SHROOM2: variants seen among roughly 807,000 people sequenced by gnomAD.
The protein encoded by SHROOM2 is shroom family member 2, also known as protein Shroom2.
Under a neutral mutation model 75.9 loss-of-function variants are expected in SHROOM2, and 33 were observed. That is an observed-to-expected ratio of 0.43 (90% CI 0.33 to 0.58). SHROOM2 has a LOEUF of 0.58. SHROOM2 is among the 20% of genes least tolerant of loss of function. The pLI is 0.04. For synonymous variants in SHROOM2, 655 were observed against 663.6 expected (o/e 0.99, Z 0.20); for missense variants, 1,434 against 1,461.2 (o/e 0.98, Z 0.30).
chrX:9,905,879 C>T (rs973472142), intron 5 of SHROOM2, among the ~76,000 whole-genome samples: 2 of 111,469 alleles, frequency 1.8e-5, no homozygotes, highest in South Asian at 3.8e-4. Flanking sequence ...ATCAGGGTAC[C>T]GTGCCAGCAG....
chrX:9,885,123 T>C, intron 2 of SHROOM2, among the ~76,000 whole-genome samples: 1 of 111,506 alleles, frequency 9.0e-6, no homozygotes, highest in Non-Finnish European at 1.9e-5. Flanking sequence ...CCAGGCAGAC[T>C]GGGGAAAGAA....
chrX:9,835,450 C>T (rs2083938722), intron 1 of SHROOM2, among the ~76,000 whole-genome samples: 1 of 112,375 alleles, frequency 8.9e-6, no homozygotes, highest in African/African-American at 3.2e-5. Context: ...GGGGAGAAAC[C>T]ATGTGGCTGC....
intron 2 of SHROOM2, among the ~76,000 whole-genome samples, chrX:9,874,123 G>T: frequency 8.9e-6 from 1 of 112,405 alleles, no homozygotes; most frequent in South Asian, 3.7e-4. Flanking sequence ...GTTGTTGCCT[G>T]TCTTGTACAC....
intron 1 of SHROOM2, chrX:9,819,360 T>A: frequency 2.1e-6 from 1 of 486,263 alleles, no homozygotes; most frequent in East Asian, 3.5e-5. Context: ...GTCAGTCATG[T>A]TGACTATAAC....
chrX:9,851,956 T>TATC (rs932636965), intron 1 of SHROOM2, among the ~76,000 whole-genome samples: 3 of 112,525 alleles, frequency 2.7e-5, no homozygotes, highest in Non-Finnish European at 5.6e-5. Flanking sequence ...AAGTCTGATG[T>TATC]ATCCCTTCAA....
chrX:9,891,404 CGGCA>C (rs2084291326), intron 3 of SHROOM2, among the ~76,000 whole-genome samples: 1 of 112,356 alleles, frequency 8.9e-6, no homozygotes, highest in Non-Finnish European at 1.9e-5. Flanking sequence ...GTGGCATCCA[CGGCA>C]CCCCTCTCCT....
intron 1 of SHROOM2, among the ~76,000 whole-genome samples, chrX:9,823,433 A>G (rs960707796): frequency 5.4e-5 from 6 of 110,823 alleles, no homozygotes; most frequent in African/African-American, 2.0e-4. Flanking sequence ...AGTAGAGACA[A>G]GGTCTTGCTA....
intron 1 of SHROOM2, among the ~76,000 whole-genome samples, chrX:9,792,469 G>T (rs141991605): frequency 0.34 from 28,980 of 85,051 alleles, 3,498 homozygotes; most frequent in Non-Finnish European, 0.42. Flanking sequence ...TTTTTTTTTT[G>T]TTGTTGTTGT....
At chrX:9,920,804 T>G (rs759503024) in intron 5 of SHROOM2, among the ~76,000 whole-genome samples, 1 of 112,138 alleles carries the variant, frequency 8.9e-6, no homozygotes, top group Non-Finnish European at 1.9e-5. Context: ...TCCTCAAAAT[T>G]TCCTGTGTAT....
rs147518254 is a variant in SHROOM2, at chrX:9,885,119, A to C, written c.318-5858A>C. Among the ~76,000 whole-genome samples, 60 of 111,829 alleles carry C rather than the reference A, an allele frequency of 5.4e-4. No homozygotes were observed. The East Asian group carries it at 0.016, about 29-fold the overall frequency. On this transcript the variant is annotated intron_variant, in intron 2 of 9. Transcript: ENST00000380913. The stretch of plus-strand genomic sequence containing the variant: ...TGGGAGAATGATCACAAAACCAGGC[A>C]GACTGGGGAAAGAAAGGCACTCGTC...
chrX:9,945,342 C>T (rs1018609644), intron 9 of SHROOM2, among the ~76,000 whole-genome samples: 8 of 110,532 alleles, frequency 7.2e-5, no homozygotes, highest in African/African-American at 2.3e-4. Context: ...AACTCCTGAG[C>T]TCAAGTGATC....
chrX:9,862,208 A>G, intron 1 of SHROOM2, among the ~76,000 whole-genome samples: 1 of 111,800 alleles, frequency 8.9e-6, no homozygotes, highest in South Asian at 3.8e-4. Flanking sequence ...TCGACGAATT[A>G]TTAACTAGTA....
In SHROOM2 at chrX:9,946,839, C is replaced by T. The variant is rs1353131452; in HGVS notation, c.4753C>T (p.Leu1585Phe). Residue 1585 changes from leucine to phenylalanine, a missense_variant, in exon 10 of 10, where the codon CTC becomes TTC. By Grantham distance (22) the Leu-to-Phe change is conservative. Around this residue, in one of 3 missense-constraint regions of SHROOM2, gnomAD observed 80 missense variants for 88.4 expected, o/e 0.90. Coordinates refer to ENST00000380913, the MANE Select transcript of SHROOM2 (RefSeq NM_001649.4). ...GCACTTCGTGAAGATGAAGTCGGCCCTCATCATCGAGCAGCGGGAGCTGGA... is the reference window on the plus strand; with the variant it reads ...GCACTTCGTGAAGATGAAGTCGGCCTTCATCATCGAGCAGCGGGAGCTGGA... ...YEHFVKMKSALIIEQRELEDK... is the reference protein window; with the variant it reads ...YEHFVKMKSAFIIEQRELEDK... 2 of 1,199,347 alleles carry T rather than the reference C, an allele frequency of 1.7e-6. No homozygotes were observed. The highest frequency in any genetic ancestry group is 3.5e-5 in the African/African-American group (2 of 57,251).
intron 1 of SHROOM2, among the ~76,000 whole-genome samples, chrX:9,795,299 T>G (rs886447750): frequency 1.8e-5 from 2 of 111,356 alleles, no homozygotes; most frequent in Non-Finnish European, 3.8e-5. Context: ...TCTCTTATTT[T>G]GCATTTCTTT....
rs1469671083 is a variant in SHROOM2 at position 9,949,310 on chromosome X, G to A, written c.*2373G>A. 1.2e-5 allele frequency: 4 copies of A among 328,282 alleles called. No homozygotes were observed. The East Asian group carries it at 2.9e-4, about 24-fold the overall frequency. The allele number at this position is 328,282 out of a possible 1,213,427, so 27.1% of individuals were successfully genotyped here. A position where few individuals can be genotyped will look rare whatever the true frequency, so the allele number is the denominator to read the frequency against. ...GCTGTGGAGGGCTCTGCCTATGGGG[G>A]GTGGCCTGTGGCTTGTATCCTTCAG... On this transcript the variant is annotated 3_prime_UTR_variant, in exon 10 of 10. Coordinates refer to ENST00000380913, the MANE Select transcript of SHROOM2 (RefSeq NM_001649.4).
At chrX:9,933,608 C>T (rs1569175948) in intron 6 of SHROOM2, among the ~76,000 whole-genome samples, 1 of 107,251 alleles carries the variant, frequency 9.3e-6, no homozygotes, top group African/African-American at 3.3e-5. Context: ...CTTGTCTCTA[C>T]TAAAACTACA....
chrX:9,891,883 G>A (rs905113213), intron 3 of SHROOM2, among the ~76,000 whole-genome samples: 1 of 109,881 alleles, frequency 9.1e-6, no homozygotes, highest in Non-Finnish European at 1.9e-5. Flanking sequence ...GTGTGTGTGT[G>A]TGTGTGTGTG....
Position 9,823,703 on chromosome X carries a change from T to A in SHROOM2, c.165+36993T>A, listed in dbSNP as rs762640331. On this transcript the variant is annotated intron_variant, in intron 1 of 9. Transcript: ENST00000380913. ...TTTGTTTTTGGTAATAATCATGGAA[T>A]TATGCTCCAGATTTACATGGAGAAA... 1.4e-4 allele frequency among the ~76,000 whole-genome samples: 15 copies of A among 110,670 alleles called. No individual in the cohort carries two copies. The Admixed American group carries it at 1.4e-3, about 10-fold the overall frequency.
intron 1 of SHROOM2, chrX:9,819,530 A>G (rs773474792): frequency 1.9e-4 from 42 of 223,731 alleles, no homozygotes; most frequent in Non-Finnish European, 3.5e-4. Context: ...GCTTTTTTAT[A>G]TCTTCTGTCT....
Sources: gnomAD v4.1 joint callset for allele counts (sites outside exome capture counted in the v4.1 genomes callset) on GRCh38, gnomAD v4.1.1 for gene constraint, gnomAD v4.1.1 regional missense constraint, MANE v1.5 for transcripts, NCBI Gene and HGNC (gene_info 2026-07-23, HGNC 2026-07-21) for gene names.